The following SLC14A2 variants were observed in gnomAD, a reference collection of about 807,000 sequenced individuals.
The protein encoded by SLC14A2 is urea transporter 2.
A neutral mutation model predicts 104.6 loss-of-function variants in SLC14A2; 91 were observed. The observed-to-expected ratio is 0.87, with a 90% CI of 0.73 to 1.04. SLC14A2 has a LOEUF of 1.04. Ranked by LOEUF, SLC14A2 falls within the 50% of genes least tolerant of loss-of-function variation. SLC14A2 has a pLI of 0.00. For synonymous variants in SLC14A2, 476 were observed against 466.4 expected (o/e 1.02, Z -0.27); for missense variants, 1,189 against 1,156.0 (o/e 1.03, Z -0.41).
intron 2 of SLC14A2, among the ~76,000 whole-genome samples, chr18:45,533,799 A>G (rs2043738324): frequency 6.6e-6 from 1 of 152,176 alleles, no homozygotes; most frequent in African/African-American, 2.4e-5. Context: ...TTAGGGTGTT[A>G]GTTTTAGATC....
chr18:45,180,245 T>C, the SLC14A2 span, among the ~76,000 whole-genome samples: 1 of 152,142 alleles, frequency 6.6e-6, no homozygotes, highest in Non-Finnish European at 1.5e-5. Context: ...TAACGAGTCA[T>C]GTGACTGGAG....
chr18:45,632,309 C>A, intron 4 of SLC14A2, 41 bp from the exon 5 acceptor site: 3 of 1,599,134 alleles, frequency 1.9e-6, no homozygotes, highest in Non-Finnish European at 2.6e-6. Flanking sequence ...CCCAGTAACA[C>A]CACCAACTTC....
chr18:45,518,071 G>C (rs566419725), intron 2 of SLC14A2, among the ~76,000 whole-genome samples: 1 of 152,198 alleles, frequency 6.6e-6, no homozygotes, highest in Admixed American at 6.5e-5. Context: ...GATTCAGTCT[G>C]TTTCCTACTT....
the SLC14A2 span, among the ~76,000 whole-genome samples, chr18:45,197,513 C>A: frequency 6.6e-6 from 1 of 152,050 alleles, no homozygotes; most frequent in Non-Finnish European, 1.5e-5. Context: ...GAGAAGACAT[C>A]CTGGAAGAAG....
At chr18:45,419,332 G>A (rs2086313730) in intron 1 of SLC14A2, among the ~76,000 whole-genome samples, 1 of 152,200 alleles carries the variant, frequency 6.6e-6, no homozygotes, top group Admixed American at 6.5e-5. Context: ...TATGATGTGT[G>A]TAGGTGAGGC....
At chr18:45,208,858 T>A (rs1380007547), upstream of SLC14A2, among the ~76,000 whole-genome samples, 1 of 151,816 alleles carries the variant, frequency 6.6e-6, no homozygotes, top group Non-Finnish European at 1.5e-5. Flanking sequence ...GGTAGTATTA[T>A]GGAATGAGGT....
intron 16 of SLC14A2, 80 bp downstream of exon 16, chr18:45,669,578 C>T: frequency 1.8e-6 from 2 of 1,127,698 alleles, no homozygotes; most frequent in South Asian, 2.9e-5. Context: ...ACATCAGAAA[C>T]ATCCACAAGT....
chr18:45,366,065 T>C (rs1175695225), intron 1 of SLC14A2, among the ~76,000 whole-genome samples: 1 of 150,914 alleles, frequency 6.6e-6, no homozygotes, highest in African/African-American at 2.4e-5. Flanking sequence ...ATGAGTAGAG[T>C]GAACACCACT....
chr18:45,339,850 G>A (rs1456644483), intron 1 of SLC14A2, among the ~76,000 whole-genome samples: 1 of 152,232 alleles, frequency 6.6e-6, no homozygotes, highest in Non-Finnish European at 1.5e-5. Flanking sequence ...AGAGCAAAAG[G>A]ATGCACTGTT....
chr18:45,337,149 C>T (rs1037417496), intron 1 of SLC14A2, among the ~76,000 whole-genome samples: 1 of 151,970 alleles, frequency 6.6e-6, no homozygotes, highest in Non-Finnish European at 1.5e-5. Context: ...GAGACTTTGG[C>T]TATGAGGAGT....
chr18:45,520,425 C>G (rs767688924), intron 2 of SLC14A2, among the ~76,000 whole-genome samples: 1 of 152,154 alleles, frequency 6.6e-6, no homozygotes, highest in Non-Finnish European at 1.5e-5. Context: ...ACACCCTTAC[C>G]TTATGTCCCC....
chr18:45,557,537 A>G (rs994613804), intron 2 of SLC14A2, among the ~76,000 whole-genome samples: 3 of 152,264 alleles, frequency 2.0e-5, no homozygotes, highest in African/African-American at 7.2e-5. Context: ...TCTGACTCAC[A>G]TTCTCCTCTC....
chr18:45,478,823 A>G (rs7235735), intron 1 of SLC14A2, among the ~76,000 whole-genome samples: 12 of 152,108 alleles, frequency 7.9e-5, no homozygotes, highest in African/African-American at 2.9e-4. Flanking sequence ...ATTAAAGTGG[A>G]ACCTATCTTC....
chr18:45,321,443 A>G (rs1448364739), intron 1 of SLC14A2, among the ~76,000 whole-genome samples: 2 of 152,170 alleles, frequency 1.3e-5, no homozygotes, highest in South Asian at 2.1e-4. Flanking sequence ...TCCCAGTTCT[A>G]TGTGGAAAGT....
intron 1 of SLC14A2, among the ~76,000 whole-genome samples, chr18:45,437,700 C>T (rs1373403376): frequency 6.6e-6 from 1 of 152,206 alleles, no homozygotes; most frequent in African/African-American, 2.4e-5. Flanking sequence ...CCAATCTCAG[C>T]AGGCAGTTGT....
At chr18:45,190,333 T>C in the SLC14A2 span, among the ~76,000 whole-genome samples, 2 of 152,198 alleles carry the variant, frequency 1.3e-5, no homozygotes, top group Non-Finnish European at 2.9e-5. Flanking sequence ...AAATGAGTAT[T>C]GGCACTTTGT....
At chr18:45,645,851 T>C (rs2045616345) in intron 10 of SLC14A2, among the ~76,000 whole-genome samples, 1 of 152,108 alleles carries the variant, frequency 6.6e-6, no homozygotes, top group South Asian at 2.1e-4. Context: ...AAGCTGTATT[T>C]TGCAGATCCC....
chr18:45,585,370 C>A (rs753092032), intron 2 of SLC14A2, among the ~76,000 whole-genome samples: 38 of 152,094 alleles, frequency 2.5e-4, no homozygotes, highest in Non-Finnish European at 1.0e-4. Flanking sequence ...AATATAATCT[C>A]CATAAAGTCA....
chr18:45,286,686 T>A (rs1477340313), intron 1 of SLC14A2, among the ~76,000 whole-genome samples: 1 of 151,936 alleles, frequency 6.6e-6, no homozygotes, highest in South Asian at 2.1e-4. Flanking sequence ...AATGCATGCA[T>A]AACACACACA....
Sources: gnomAD v4.1 joint callset for allele counts (sites outside exome capture counted in the v4.1 genomes callset) on GRCh38, gnomAD v4.1.1 for gene constraint, MANE v1.5 for transcripts, NCBI Gene and HGNC (gene_info 2026-07-23, HGNC 2026-07-21) for gene names.